The following KIF3A variants were observed in gnomAD, a reference collection of about 807,000 sequenced individuals.
KIF3A encodes kinesin-like protein KIF3A.
In KIF3A, 27 loss-of-function variants were observed where a neutral mutation model predicts 92.6. That is an observed-to-expected ratio of 0.29 (90% CI 0.21 to 0.40). The LOEUF (loss-of-function observed/expected upper bound fraction) is 0.40, where lower values mean the gene tolerates loss of function less well. Ranked by LOEUF, KIF3A falls within the 10% of genes least tolerant of loss-of-function variation. The pLI is 1.00. For synonymous variants in KIF3A, 250 were observed against 275.4 expected, an observed-to-expected ratio of 0.91 and a Z score of 0.92; for missense variants, 581 against 872.6, an observed-to-expected ratio of 0.67 and a Z score of 4.21.
At position 132,711,329 on chromosome 5, in the gene KIF3A, C is replaced by T. The variant is rs550127829; in HGVS notation, c.1130-272G>A. ...CATTCTGGCTAGGCAAGGTGGCGCA[C>T]GCCTGTAATCCCAGCACTTTAAGAG... is the stretch of plus-strand genomic sequence containing the variant. On this transcript the variant is annotated intron_variant, in intron 8 of 18. Transcript: ENST00000403231. 2.7e-4 allele frequency among the ~76,000 whole-genome samples: 41 copies of T among 152,246 alleles called. No homozygotes were observed. In the East Asian group the frequency reaches 6.5e-3, roughly 24 times the overall value.
At chr5:132,728,068 T>C (rs184289546) in intron 2 of KIF3A, among the ~76,000 whole-genome samples, 30 of 152,320 alleles carry the variant, frequency 2.0e-4, no homozygotes, top group Non-Finnish European at 2.5e-4. Flanking sequence ...ACACTGCACT[T>C]GAAGCAGAAA....
intron 1 of KIF3A, 100 bp downstream of exon 1, chr5:132,737,314 A>C: frequency 3.0e-6 from 4 of 1,354,424 alleles, no homozygotes; most frequent in Non-Finnish European, 4.0e-6. Flanking sequence ...CGCCCCACCC[A>C]GGCCGCCTGC....
At position 132,696,538 on chromosome 5, in the gene KIF3A, T is replaced by C; in HGVS notation, c.*96A>G. The C allele has an allele frequency of 1.4e-6, 1 of 740,406 alleles. No homozygotes were observed. The highest frequency in any genetic ancestry group is 2.4e-6 in the Non-Finnish European group (1 of 424,140). 45.9% of individuals were successfully genotyped at this position (740,406 alleles called of 1,614,324 possible). On this transcript the variant is annotated 3_prime_UTR_variant, in exon 19 of 19. Coordinates refer to ENST00000403231, the MANE Select transcript of KIF3A (RefSeq NM_001300791.2). ...TTCATTGATCTACAACTTCCATTAA[T>C]TGAAATTATAGAGAAGTCTTCACTG...
intron 10 of KIF3A, 58 bp from the exon 11 acceptor site, chr5:132,706,517 G>T: frequency 7.0e-7 from 1 of 1,429,554 alleles, no homozygotes; most frequent in Non-Finnish European, 9.4e-7. Context: ...ACAGAGATGA[G>T]GAGGAAAAAA....
chr5:132,711,404 C>T (rs1268641132), intron 8 of KIF3A, among the ~76,000 whole-genome samples: 1 of 152,038 alleles, frequency 6.6e-6, no homozygotes, highest in Non-Finnish European at 1.5e-5. Flanking sequence ...CCAGCCTGGC[C>T]AACATGGCAA....
At chr5:132,702,846 C>A (rs1416647944) in intron 13 of KIF3A, 39 bp downstream of exon 13, 3 of 1,588,624 alleles carry the variant, frequency 1.9e-6, no homozygotes, top group Non-Finnish European at 2.6e-6. Context: ...TTAAATCTCT[C>A]TGGCAAAATA....
At chr5:132,722,226 A>G (rs1212860603) in intron 4 of KIF3A, among the ~76,000 whole-genome samples, 1 of 152,224 alleles carries the variant, frequency 6.6e-6, no homozygotes, top group Non-Finnish European at 1.5e-5. Context: ...TAATAAGTGT[A>G]TTCAACTAAT....
At chr5:132,703,719 T>A (rs1753121961) in intron 11 of KIF3A, 100 bp from the exon 12 acceptor site, 2 of 751,972 alleles carry the variant, frequency 2.7e-6, no homozygotes, top group Admixed American at 5.9e-5. Flanking sequence ...CACTCCTCAA[T>A]AATACAAAAC....
intron 2 of KIF3A, among the ~76,000 whole-genome samples, chr5:132,728,812 C>T (rs1013819706): frequency 7.9e-5 from 12 of 152,148 alleles, no homozygotes; most frequent in African/African-American, 2.7e-4. Flanking sequence ...GTGGCTCCTG[C>T]TATAGTCCCA....
At position 132,701,666 on chromosome 5, in the gene KIF3A, A is replaced by C. The variant is rs1482578262; in HGVS notation, c.1884+421T>G. Among the ~76,000 whole-genome samples, 3 of 152,278 alleles carry C rather than the reference A, an allele frequency of 2.0e-5. No homozygotes were observed. The East Asian group carries it at 5.8e-4, about 29-fold the overall frequency. On this transcript the variant is annotated intron_variant, in intron 15 of 18. Transcript: ENST00000403231. ...TGGTACAGGTTGCACAACAATGTGAATGTCCTAAATGCCATTGAACTGCAC... is the reference window on the plus strand; with the variant it reads ...TGGTACAGGTTGCACAACAATGTGACTGTCCTAAATGCCATTGAACTGCAC...
intron 11 of KIF3A, among the ~76,000 whole-genome samples, chr5:132,704,802 C>G (rs1204402167): frequency 6.6e-6 from 1 of 151,810 alleles, no homozygotes; most frequent in African/African-American, 2.4e-5. Context: ...AGCTAACCCC[C>G]ACCACCTAAC....
At chr5:132,703,897 GA>G (rs756435113) in intron 11 of KIF3A, among the ~76,000 whole-genome samples, 40 of 151,404 alleles carry the variant, frequency 2.6e-4, no homozygotes, top group Non-Finnish European at 3.3e-4. Context: ...TAAATAATAG[GA>G]AAAGAAAGAT....
chr5:132,721,284 A>G (rs1290785794), intron 4 of KIF3A: 1 of 152,252 alleles, frequency 6.6e-6, no homozygotes, highest in Non-Finnish European at 1.5e-5. Flanking sequence ...CTATAGTATC[A>G]ATGTTAAAAT....
In KIF3A at chr5:132,693,439, G is replaced by A. The variant is rs1053239785; in HGVS notation, c.*3195C>T. 6.6e-5 allele frequency: 10 copies of A among 152,646 alleles called. 1 individual carries two copies. The highest frequency in any genetic ancestry group is 1.3e-4 in the Non-Finnish European group (9 of 68,016). 9.5% of individuals were successfully genotyped at this position (152,646 alleles called of 1,614,324 possible). A position where few individuals can be genotyped will look rare whatever the true frequency, so the allele number is the denominator to read the frequency against. On this transcript the variant is annotated 3_prime_UTR_variant, in exon 19 of 19. Coordinates refer to ENST00000403231, the MANE Select transcript of KIF3A (RefSeq NM_001300791.2). ...AATAAATATCACTTTTTAAATTAAAGGGAAAAGAGAATACCCATTCAATAA... is the reference window on the plus strand; with the variant it reads ...AATAAATATCACTTTTTAAATTAAAAGGAAAAGAGAATACCCATTCAATAA...
At chr5:132,699,484 A>C in intron 17 of KIF3A, 189 bp from the exon 18 acceptor site, 1 of 649,472 alleles carries the variant, frequency 1.5e-6, no homozygotes, top group Non-Finnish European at 2.8e-6. Context: ...GTGAGTAAGA[A>C]GCCCTGACAC....
rs1032483476 is a variant in KIF3A, at chr5:132,713,349, A to G, written c.1130-2292T>C. On this transcript the variant is annotated intron_variant, in intron 8 of 18. Coordinates refer to ENST00000403231, the MANE Select transcript of KIF3A (RefSeq NM_001300791.2). The stretch of plus-strand genomic sequence containing the variant: ...TCAATGTAAATCTCCTGGTTTCAAT[A>G]ACTGTTGTATGCTTATAAAAAATGT... 7.9e-5 allele frequency among the ~76,000 whole-genome samples: 12 copies of G among 152,326 alleles called. 1 individual carries two copies. The highest frequency in any genetic ancestry group is 2.9e-4 in the African/African-American group (12 of 41,576).
At chr5:132,733,015 A>G (rs1239245081) in intron 2 of KIF3A, among the ~76,000 whole-genome samples, 1 of 152,236 alleles carries the variant, frequency 6.6e-6, no homozygotes, top group Non-Finnish European at 1.5e-5. Context: ...AAAAGGCCAC[A>G]TAGCATATAA....
At chr5:132,736,309 C>T (rs1375141071) in intron 1 of KIF3A, among the ~76,000 whole-genome samples, 1 of 152,326 alleles carries the variant, frequency 6.6e-6, no homozygotes, top group East Asian at 1.9e-4. Flanking sequence ...TCTAAAGTCT[C>T]TTCTTGGGAG....
At chr5:132,708,855 G>A in intron 10 of KIF3A, 52 bp downstream of exon 10, 1 of 1,234,598 alleles carries the variant, frequency 8.1e-7, no homozygotes, top group Non-Finnish European at 1.2e-6. Context: ...TGAAGCCCAT[G>A]GGTTATGGAA....
Sources: allele counts gnomAD v4.1 joint callset (sites outside exome capture counted in the v4.1 genomes callset), GRCh38; gene constraint gnomAD v4.1.1; transcripts MANE v1.5; gene names NCBI Gene and HGNC (gene_info 2026-07-23, HGNC 2026-07-21).